PALS1: variants seen among roughly 807,000 people sequenced by gnomAD.
PALS1 encodes protein PALS1.
Under a neutral mutation model 78.9 loss-of-function variants are expected in PALS1, and 31 were observed. The observed-to-expected ratio is 0.39, with a 90% confidence interval of 0.30 to 0.53. PALS1 has a LOEUF of 0.53. PALS1 is among the 20% of genes least tolerant of loss of function. The pLI is 0.67. For synonymous variants in PALS1, 276 were observed against 270.9 expected (o/e 1.02, Z -0.18); for missense variants, 704 against 826.5 (o/e 0.85, Z 1.82).
At chr14:67,286,018 G>A (rs1170681019) in intron 3 of PALS1, among the ~76,000 whole-genome samples, 1 of 152,110 alleles carries the variant, frequency 6.6e-6, no homozygotes, top group East Asian at 1.9e-4. Flanking sequence ...GAAGATGGGA[G>A]CTTAATTTCT....
At chr14:67,270,776 T>C (rs1407493547) in intron 2 of PALS1, 6 of 152,220 alleles carry the variant, frequency 3.9e-5, no homozygotes, top group Middle Eastern at 3.2e-3. Flanking sequence ...GGAAGAACTT[T>C]AGGATCTTTC....
chr14:67,314,093 C>T (rs908269788), intron 9 of PALS1, among the ~76,000 whole-genome samples: 4 of 151,852 alleles, frequency 2.6e-5, no homozygotes, highest in African/African-American at 9.7e-5. Context: ...GCGATCATCC[C>T]TCCTACTCAC....
chr14:67,279,868 A>G (rs575125019), intron 3 of PALS1: 3 of 254,144 alleles, frequency 1.2e-5, no homozygotes, highest in African/African-American at 6.6e-5. Context: ...AAGAATTTTC[A>G]GATTTTGAAT....
intron 1 of PALS1, among the ~76,000 whole-genome samples, chr14:67,246,024 T>C (rs2083982628): frequency 6.6e-6 from 1 of 152,272 alleles, no homozygotes; most frequent in East Asian, 1.9e-4. Flanking sequence ...TCCCATTGTA[T>C]TCCTCTTGTC....
At chr14:67,260,492 A>G (rs901704959) in intron 1 of PALS1, among the ~76,000 whole-genome samples, 2 of 152,334 alleles carry the variant, frequency 1.3e-5, no homozygotes, top group Non-Finnish European at 2.9e-5. Context: ...CAATTAATAG[A>G]CATTCTGATT....
chr14:67,289,927 C>T (rs1414495505), intron 3 of PALS1, among the ~76,000 whole-genome samples: 2 of 151,942 alleles, frequency 1.3e-5, no homozygotes, highest in South Asian at 2.1e-4. Flanking sequence ...CCCACCACCA[C>T]GCCCGGCTAA....
In PALS1 at chr14:67,312,405, C is replaced by G. The variant is rs182469031; in HGVS notation, c.1042-122C>G. 861 of 618,176 alleles carry G rather than the reference C, an allele frequency of 1.4e-3. 1 individual carries two copies. Among genetic ancestry groups the G allele is most frequent in the Non-Finnish European group, 1.8e-3 (722 of 397,046 alleles). The allele number at this position is 618,176 out of a possible 1,614,324, so 38.3% of individuals were successfully genotyped here. A position where few individuals can be genotyped will look rare whatever the true frequency, so the allele number is the denominator to read the frequency against. ...TTATCCTGGACAACATACTGAGATG[C>G]TGTCTCTATTAAATTTTTTTAAAAT... On this transcript the variant is annotated intron_variant, in intron 8 of 14. Transcript: ENST00000261681.
At chr14:67,278,098 G>A (rs2084535483) in intron 2 of PALS1, among the ~76,000 whole-genome samples, 1 of 149,742 alleles carries the variant, frequency 6.7e-6, no homozygotes, top group South Asian at 2.1e-4. Context: ...GTGCAGTGGT[G>A]TGATCTCAGC....
At chr14:67,284,468 C>T (rs1340802875) in intron 3 of PALS1, among the ~76,000 whole-genome samples, 1 of 121,860 alleles carries the variant, frequency 8.2e-6, no homozygotes. Context: ...TGGTATGCTT[C>T]TGTAGTCCCA....
At chr14:67,288,803 T>G (rs902985012) in intron 3 of PALS1, among the ~76,000 whole-genome samples, 1 of 152,140 alleles carries the variant, frequency 6.6e-6, no homozygotes, top group Non-Finnish European at 1.5e-5. Flanking sequence ...ATCCCTCAGC[T>G]CTTATCTAGC....
intron 3 of PALS1, among the ~76,000 whole-genome samples, chr14:67,286,855 CAAAAAAAA>C (rs201923149): frequency 8.9e-5 from 6 of 67,212 alleles, no homozygotes; most frequent in East Asian, 3.3e-4. Flanking sequence ...GACCTGGTCT[CAAAAAAAA>C]AAAAAAAAAA....
At chr14:67,304,819 CTT>C (rs1325826406) in intron 8 of PALS1, among the ~76,000 whole-genome samples, 1 of 152,040 alleles carries the variant, frequency 6.6e-6, no homozygotes, top group Non-Finnish European at 1.5e-5. Context: ...AAAAATGAAA[CTT>C]TAAAGTGTTG....
At chr14:67,331,464 A>C (rs1183610159) in intron 14 of PALS1, among the ~76,000 whole-genome samples, 1 of 152,064 alleles carries the variant, frequency 6.6e-6, no homozygotes, top group African/African-American at 2.4e-5. Flanking sequence ...AATGTAACCA[A>C]CCGGTTATCT....
In PALS1 at chr14:67,243,194, T is replaced by A. The variant is rs543108024; in HGVS notation, c.-237+1661T>A. Among the ~76,000 whole-genome samples the A allele has an allele frequency of 1.1e-4, 16 of 141,330 alleles. No homozygotes were observed. The South Asian group carries it at 3.4e-3, about 30-fold the overall frequency. 92.7% of individuals were successfully genotyped at this position (141,330 alleles called of 152,430 possible). On this transcript the variant is annotated intron_variant, in intron 1 of 14. Transcript: ENST00000261681. Reference sequence around the variant, plus strand: ...TTATATAGAATATAATTGTCTTTTCTTTTTTTTTTTGTGAGACATAGTCTC... The same window carrying A: ...TTATATAGAATATAATTGTCTTTTCATTTTTTTTTTGTGAGACATAGTCTC...
intron 2 of PALS1, among the ~76,000 whole-genome samples, chr14:67,276,786 T>C (rs1383714724): frequency 3.3e-5 from 5 of 152,188 alleles, no homozygotes; most frequent in Admixed American, 2.6e-4. Context: ...ACAAGTATGA[T>C]AGTAAATAGT....
rs557826893 is a variant in PALS1 at position 67,283,775 on chromosome 14, T to A, written c.367+4238T>A. ...AGTAATGTAAATTTTGTTTATTAAA[T>A]ACACATAATTCTATAGAAAAGTAAC... On this transcript the variant is annotated intron_variant, in intron 3 of 14. Coordinates refer to ENST00000261681, the MANE Select transcript of PALS1 (RefSeq NM_022474.4). Among the ~76,000 whole-genome samples the A allele has an allele frequency of 3.9e-5, 6 of 152,336 alleles. No homozygotes were observed. In the South Asian group the frequency reaches 1.2e-3, roughly 32 times the overall value.
At chr14:67,256,988 A>T (rs1202686672) in intron 1 of PALS1, among the ~76,000 whole-genome samples, 1 of 152,208 alleles carries the variant, frequency 6.6e-6, no homozygotes, top group East Asian at 1.9e-4. Context: ...TCCTGACGAC[A>T]GGTGCCCAAG....
At chr14:67,323,232 CGTGTGTGTGTGTGTGT>C (rs35018637) in intron 13 of PALS1, among the ~76,000 whole-genome samples, 5 of 143,590 alleles carry the variant, frequency 3.5e-5, no homozygotes, top group Admixed American at 7.2e-5. Flanking sequence ...CATATATACA[CGTGTGTGTGTGTGTGT>C]GTGTGTGTGT....
At chr14:67,326,444 T>C (rs772105867) in intron 14 of PALS1, among the ~76,000 whole-genome samples, 22 of 151,986 alleles carry the variant, frequency 1.4e-4, no homozygotes, top group Admixed American at 7.2e-4. Flanking sequence ...ATATATTTGA[T>C]TTTCTAATTA....
Sources: allele counts gnomAD v4.1 joint callset (sites outside exome capture counted in the v4.1 genomes callset), GRCh38; gene constraint gnomAD v4.1.1; transcripts MANE v1.5; gene names NCBI Gene and HGNC (gene_info 2026-07-23, HGNC 2026-07-21).